The following WWOX variants were observed in gnomAD, a reference collection of about 807,000 sequenced individuals.
WWOX encodes WW domain-containing oxidoreductase.
Under a neutral mutation model 46.2 loss-of-function variants are expected in WWOX, and 69 were observed. The ratio of observed to expected loss-of-function variants is 1.49; its 90% confidence interval spans 1.23 to 1.82. WWOX has a LOEUF of 1.82. Ranked by LOEUF, WWOX falls within the 40% of genes most tolerant of loss-of-function variation. The pLI, the probability that WWOX is intolerant of heterozygous loss-of-function variation, is 0.00. For missense variants in WWOX, 919 were observed against 542.6 expected (o/e 1.69, Z -6.89); for synonymous variants, 359 against 202.6 (o/e 1.77, Z -6.56).
At chr16:78,420,310 A>G (rs1187839134) in intron 6 of WWOX, among the ~76,000 whole-genome samples, 1 of 152,194 alleles carries the variant, frequency 6.6e-6, no homozygotes, top group African/African-American at 2.4e-5. Flanking sequence ...ATAGCATCTT[A>G]CAAATGAATG....
chr16:79,176,419 C>T (rs892872193), intron 8 of WWOX, among the ~76,000 whole-genome samples: 6 of 152,158 alleles, frequency 3.9e-5, no homozygotes, highest in Non-Finnish European at 5.9e-5. Context: ...TGTCAAATAT[C>T]CTCTAGCCCT....
At chr16:79,053,588 G>A (rs1418135076) in intron 8 of WWOX, among the ~76,000 whole-genome samples, 2 of 152,184 alleles carry the variant, frequency 1.3e-5, no homozygotes, top group Non-Finnish European at 2.9e-5. Flanking sequence ...CAACTTGGAA[G>A]ATATGAATAT....
intron 5 of WWOX, among the ~76,000 whole-genome samples, chr16:78,273,478 A>G (rs1018329807): frequency 1.3e-5 from 2 of 152,218 alleles, no homozygotes; most frequent in Admixed American, 1.3e-4. Context: ...CTCAATAAAC[A>G]TTTATTAAAT....
rs547703274 is a variant in WWOX, at chr16:78,239,063, A to G, written c.516+74774A>G. Among the ~76,000 whole-genome samples the G allele has an allele frequency of 5.9e-5, 9 of 152,218 alleles. No homozygotes were observed. In the East Asian group the frequency reaches 1.4e-3, roughly 23 times the overall value. On this transcript the variant is annotated intron_variant, in intron 5 of 8. Transcript: ENST00000566780. ...GATTCCAGGATGCTCTAACCTGGCC[A>G]CGCATCCCCCGTGGATTCTCAGCTG...
chr16:78,102,690 C>G (rs1416857084), intron 1 of WWOX, among the ~76,000 whole-genome samples: 1 of 152,222 alleles, frequency 6.6e-6, no homozygotes, highest in Non-Finnish European at 1.5e-5. Flanking sequence ...CCTTGTTTCT[C>G]TGCTTCTTCG....
intron 5 of WWOX, among the ~76,000 whole-genome samples, chr16:78,250,534 C>T (rs1744126239): frequency 6.6e-6 from 1 of 152,006 alleles, no homozygotes; most frequent in South Asian, 2.1e-4. Context: ...ATATGCTGTG[C>T]CATGGGAGGT....
chr16:78,435,629 G>A (rs973367077), intron 8 of WWOX, among the ~76,000 whole-genome samples: 7 of 152,204 alleles, frequency 4.6e-5, no homozygotes, highest in Admixed American at 2.6e-4. Flanking sequence ...GGCACTGGAC[G>A]TGAGCATTTC....
intron 8 of WWOX, among the ~76,000 whole-genome samples, chr16:78,734,806 CCTT>C (rs1239804299): frequency 7.2e-6 from 1 of 139,528 alleles, no homozygotes; most frequent in Non-Finnish European, 1.5e-5. Flanking sequence ...AAAGAGAACT[CCTT>C]CTGCCTGATG....
At chr16:78,654,208 T>C (rs2047029960) in intron 8 of WWOX, among the ~76,000 whole-genome samples, 1 of 151,330 alleles carries the variant, frequency 6.6e-6, no homozygotes. Context: ...GTGGGCGATT[T>C]GAATAGAGCT....
At chr16:79,187,950 A>T (rs1185735040) in intron 8 of WWOX, among the ~76,000 whole-genome samples, 1 of 152,188 alleles carries the variant, frequency 6.6e-6, no homozygotes, top group African/African-American at 2.4e-5. Context: ...CACGATTGAT[A>T]ATGTTCCCTC....
chr16:78,248,675 G>C lies in WWOX; in HGVS notation c.516+84386G>C, dbSNP rs1892600107. Among the ~76,000 whole-genome samples, 3 of 152,056 alleles carry C rather than the reference G, an allele frequency of 2.0e-5. No homozygotes were observed. The South Asian group carries it at 6.2e-4, about 32-fold the overall frequency. On this transcript the variant is annotated intron_variant, in intron 5 of 8. Transcript: ENST00000566780. ...TGCTTGAACCCGGGAGGTGGAGGTT[G>C]CAGTGAGGTGAGATCGCACCACTGT...
At chr16:79,127,173 A>G (rs1008698623) in intron 8 of WWOX, among the ~76,000 whole-genome samples, 1 of 152,164 alleles carries the variant, frequency 6.6e-6, no homozygotes, top group East Asian at 1.9e-4. Context: ...CTATGTGCAT[A>G]TATAAAATCC....
Position 78,370,795 on chromosome 16 carries a change from G to A in WWOX, c.517-16065G>A, listed in dbSNP as rs1421928747. ...CTTTTTTTCTTTTTTTTTTGGGGGG[G>A]GGGGGGCAATGCATTCTTAACCCCC... On this transcript the variant is annotated intron_variant, in intron 5 of 8. Coordinates refer to ENST00000566780, the MANE Select transcript of WWOX (RefSeq NM_016373.4). Among the ~76,000 whole-genome samples the A allele has an allele frequency of 2.7e-5, 4 of 149,086 alleles. 1 individual carries two copies. Among genetic ancestry groups the A allele is most frequent in the Non-Finnish European group, 3.0e-5 (2 of 67,308 alleles).
At chr16:78,325,148 C>T (rs1289108259) in intron 5 of WWOX, among the ~76,000 whole-genome samples, 1 of 152,168 alleles carries the variant, frequency 6.6e-6, no homozygotes, top group African/African-American at 2.4e-5. Flanking sequence ...AGCTAGAAGG[C>T]ACTGCTCAGA....
chr16:78,135,098 A>C (rs1716368926), intron 4 of WWOX, among the ~76,000 whole-genome samples: 1 of 152,212 alleles, frequency 6.6e-6, no homozygotes, highest in African/African-American at 2.4e-5. Flanking sequence ...CCATTCCTGT[A>C]AATGAAGATG....
intron 8 of WWOX, among the ~76,000 whole-genome samples, chr16:78,799,678 T>C (rs2050833822): frequency 6.6e-6 from 1 of 152,172 alleles, no homozygotes; most frequent in African/African-American, 2.4e-5. Flanking sequence ...CTGACCTTTC[T>C]GCTCTTTTAT....
chr16:79,018,937 G>C (rs1007281142), intron 8 of WWOX, among the ~76,000 whole-genome samples: 1 of 151,914 alleles, frequency 6.6e-6, no homozygotes, highest in Non-Finnish European at 1.5e-5. Flanking sequence ...GATCGCTTGA[G>C]CTCAGGAGTT....
Position 78,441,250 on chromosome 16 carries a change from C to A in WWOX, c.1056+8498C>A, listed in dbSNP as rs567282210. 5.3e-5 allele frequency among the ~76,000 whole-genome samples: 8 copies of A among 152,252 alleles called. No homozygotes were observed. In the South Asian group the frequency reaches 6.2e-4, roughly 12 times the overall value. ...AGTTTCTTATTTAATGTCTGTCCCC[C>A]CTTCTCTTGACAGTGGTGTTTTTGC... On this transcript the variant is annotated intron_variant, in intron 8 of 8. Transcript: ENST00000566780.
intron 8 of WWOX, among the ~76,000 whole-genome samples, chr16:78,449,314 T>C (rs896027953): frequency 6.6e-6 from 1 of 152,198 alleles, no homozygotes; most frequent in Admixed American, 6.5e-5. Flanking sequence ...AGTGACGTCT[T>C]ACTGCTTTTG....
Sources: allele counts gnomAD v4.1 joint callset (sites outside exome capture counted in the v4.1 genomes callset), GRCh38; gene constraint gnomAD v4.1.1; transcripts MANE v1.5; gene names NCBI Gene and HGNC (gene_info 2026-07-23, HGNC 2026-07-21).